Variants in ENOX1 observed in about 807,000 individuals in gnomAD.
The protein encoded by ENOX1 is ecto-NOX disulfide-thiol exchanger 1.
ENOX1 carries 42 observed loss-of-function variants against 82.5 expected under a neutral mutation model. That is an observed-to-expected ratio of 0.51 (90% CI 0.40 to 0.66). The LOEUF (loss-of-function observed/expected upper bound fraction) is 0.66. ENOX1 is among the 30% of genes least tolerant of loss of function. The probability of loss-of-function intolerance (pLI) is 0.00; values close to 1 mark genes in which losing one functional copy is unlikely to be tolerated. For synonymous variants in ENOX1, 271 were observed against 282.2 expected (o/e 0.96, Z 0.40); for missense variants, 608 against 811.6 (o/e 0.75, Z 3.05).
intron 2 of ENOX1, among the ~76,000 whole-genome samples, chr13:43,535,732 T>G (rs1305776931): frequency 6.6e-6 from 1 of 152,128 alleles, no homozygotes; most frequent in African/African-American, 2.4e-5. Context: ...TTAGAAGAAC[T>G]AAGCATCTTT....
At chr13:43,475,751 G>A (rs1260154414) in intron 3 of ENOX1, among the ~76,000 whole-genome samples, 1 of 137,252 alleles carries the variant, frequency 7.3e-6, no homozygotes, top group Admixed American at 8.4e-5. Context: ...TCTTAGTGGT[G>A]GCATTGGCCC....
chr13:43,621,307 G>GT (rs954840630), intron 2 of ENOX1, among the ~76,000 whole-genome samples: 105 of 151,958 alleles, frequency 6.9e-4, no homozygotes, highest in African/African-American at 2.4e-3. Flanking sequence ...GTTTCGTTTT[G>GT]TTTTTTTGCT....
chr13:43,354,305 C>T (rs190726779), intron 8 of ENOX1, among the ~76,000 whole-genome samples: 3 of 152,222 alleles, frequency 2.0e-5, no homozygotes, highest in Admixed American at 1.3e-4. Context: ...GTATTTACAT[C>T]AGTAAGACAT....
intron 7 of ENOX1, among the ~76,000 whole-genome samples, chr13:43,358,803 C>T (rs1476781528): frequency 6.6e-6 from 1 of 152,164 alleles, no homozygotes; most frequent in Non-Finnish European, 1.5e-5. Flanking sequence ...TGTCTAACAG[C>T]GGATTGTGTG....
chr13:43,565,147 G>T (rs2079862828), intron 2 of ENOX1, among the ~76,000 whole-genome samples: 1 of 152,136 alleles, frequency 6.6e-6, no homozygotes, highest in African/African-American at 2.4e-5. Flanking sequence ...GGGGTGGAAG[G>T]CCCCTCTGAG....
intron 2 of ENOX1, among the ~76,000 whole-genome samples, chr13:43,577,753 G>A (rs997544614): frequency 1.3e-5 from 2 of 152,152 alleles, no homozygotes; most frequent in African/African-American, 4.8e-5. Flanking sequence ...CATTAACCAT[G>A]CAGATTGTAG....
chr13:43,760,184 C>T (rs891841500), intron 1 of ENOX1, among the ~76,000 whole-genome samples: 1 of 152,168 alleles, frequency 6.6e-6, no homozygotes, highest in East Asian at 1.9e-4. Flanking sequence ...TGTCTGCCAT[C>T]ATGAAAGAAT....
chr13:43,357,100 A>G (rs2050205330), intron 7 of ENOX1, among the ~76,000 whole-genome samples: 1 of 152,174 alleles, frequency 6.6e-6, no homozygotes, highest in South Asian at 2.1e-4. Context: ...GTTGCTCTTC[A>G]GTTTGGGGTA....
At chr13:43,703,716 T>C (rs2087057687) in intron 1 of ENOX1, among the ~76,000 whole-genome samples, 1 of 152,140 alleles carries the variant, frequency 6.6e-6, no homozygotes, top group Non-Finnish European at 1.5e-5. Flanking sequence ...ACCTGTTTTG[T>C]TTCCCCTAAT....
intron 2 of ENOX1, among the ~76,000 whole-genome samples, chr13:43,598,531 C>T (rs1180870609): frequency 6.6e-6 from 1 of 152,162 alleles, no homozygotes; most frequent in Admixed American, 6.5e-5. Flanking sequence ...CTAACGGGGG[C>T]TCCTCTCCAC....
intron 2 of ENOX1, among the ~76,000 whole-genome samples, chr13:43,541,171 C>CTTTTT (rs1555317884): frequency 1.3e-4 from 5 of 38,744 alleles, no homozygotes; most frequent in Admixed American, 3.8e-4. Context: ...CTTCTTCCCT[C>CTTTTT]TGTTTTTTTT....
At chr13:43,428,436 C>G (rs975063624) in intron 3 of ENOX1, among the ~76,000 whole-genome samples, 1 of 152,150 alleles carries the variant, frequency 6.6e-6, no homozygotes, top group African/African-American at 2.4e-5. Flanking sequence ...GGTCCATTCT[C>G]CCCATGTCAA....
At chr13:43,582,699 A>G (rs1340342810) in intron 2 of ENOX1, among the ~76,000 whole-genome samples, 2 of 151,918 alleles carry the variant, frequency 1.3e-5, no homozygotes, top group Non-Finnish European at 2.9e-5. Flanking sequence ...TCAGCCTCCT[A>G]AGCAGCTGGA....
intron 12 of ENOX1, among the ~76,000 whole-genome samples, chr13:43,292,314 A>G (rs1202607467): frequency 6.6e-6 from 1 of 152,212 alleles, no homozygotes; most frequent in African/African-American, 2.4e-5. Context: ...AGAAACTTCA[A>G]TTGGAAGGAT....
At chr13:43,604,199 T>C (rs950393304) in intron 2 of ENOX1, among the ~76,000 whole-genome samples, 15 of 150,876 alleles carry the variant, frequency 9.9e-5, no homozygotes, top group Admixed American at 3.3e-4. Context: ...TTGAGAAGTG[T>C]CTGTTCACGT....
chr13:43,275,597 CACAT>C (rs971999022), intron 12 of ENOX1, among the ~76,000 whole-genome samples: 1 of 151,924 alleles, frequency 6.6e-6, no homozygotes, highest in Non-Finnish European at 1.5e-5. Context: ...CACACACACA[CACAT>C]ACACACAATT....
chr13:43,268,880 C>T (rs2044529307), intron 13 of ENOX1, among the ~76,000 whole-genome samples: 2 of 152,146 alleles, frequency 1.3e-5, no homozygotes, highest in African/African-American at 4.8e-5. Flanking sequence ...CTGCTGCCTG[C>T]CGAGTGTTCC....
intron 5 of ENOX1, among the ~76,000 whole-genome samples, chr13:43,374,789 C>T (rs1455483791): frequency 1.3e-5 from 2 of 152,188 alleles, no homozygotes; most frequent in African/African-American, 2.4e-5. Context: ...TGAGGTTTGG[C>T]AGACTGAAGA....
intron 5 of ENOX1, among the ~76,000 whole-genome samples, chr13:43,373,986 A>G (rs1357035262): frequency 6.6e-6 from 1 of 152,140 alleles, no homozygotes; most frequent in East Asian, 1.9e-4. Context: ...CACATGAAAA[A>G]CATACCCCAA....
Sources: allele counts gnomAD v4.1 joint callset (sites outside exome capture counted in the v4.1 genomes callset), GRCh38; gene constraint gnomAD v4.1.1; transcripts MANE v1.5; gene names NCBI Gene and HGNC (gene_info 2026-07-23, HGNC 2026-07-21).